The following PCDH19 variants were observed in gnomAD, a reference collection of about 807,000 sequenced individuals.
PCDH19 encodes protocadherin-19.
In PCDH19, 6 loss-of-function variants were observed where a neutral mutation model predicts 46.2. The ratio of observed to expected loss-of-function variants is 0.13; its 90% CI spans 0.07 to 0.26. PCDH19 has a LOEUF of 0.26. PCDH19 is among the 10% of genes least tolerant of loss of function. The pLI, the probability that PCDH19 is intolerant of heterozygous loss-of-function variation, is 1.00. For missense variants in PCDH19, 740 were observed against 972.3 expected, an observed-to-expected ratio of 0.76 and a Z score of 3.18; for synonymous variants, 481 against 415.7, an observed-to-expected ratio of 1.16 and a Z score of -1.91.
chrX:100,406,720 G>T lies in PCDH19; in HGVS notation c.1878C>A (p.Thr626=). The T allele has an allele frequency of 8.3e-7, 1 of 1,211,882 alleles. No individual in the cohort carries two copies. Among genetic ancestry groups the T allele is most frequent in the African/African-American group, 1.7e-5 (1 of 57,803 alleles). The stretch of plus-strand genomic sequence containing the variant: ...TGGAGCTCTCCCCGAAGGTGCGGGT[G>T]GTTCTGACTTCGCCATTGACCTGGT... ...EIDQVNGEVR[T]TRTFGESSKS... is the part of the protein sequence containing the mutation. Residue 626 remains threonine, a synonymous_variant, in exon 1 of 6, where the codon ACC becomes ACA. Coordinates refer to ENST00000373034, the MANE Select transcript of PCDH19 (RefSeq NM_001184880.2).
chrX:100,329,605 T>A (rs1925809533), intron 5 of PCDH19, among the ~76,000 whole-genome samples: 1 of 112,038 alleles, frequency 8.9e-6, no homozygotes, highest in Admixed American at 9.5e-5. Flanking sequence ...CAATGACTAC[T>A]TGAATTAAAA....
At chrX:100,332,514 C>CAA (rs749901973) in intron 5 of PCDH19, among the ~76,000 whole-genome samples, 129 of 48,885 alleles carry the variant, frequency 2.6e-3, no homozygotes, top group African/African-American at 8.7e-3. Flanking sequence ...AACCCCGTCT[C>CAA]AAAAAAAAAA....
intron 3 of PCDH19, among the ~76,000 whole-genome samples, chrX:100,362,251 C>T (rs1480408398): frequency 9.0e-6 from 1 of 110,918 alleles, no homozygotes; most frequent in Non-Finnish European, 1.9e-5. Context: ...ACCTTTCTCT[C>T]GAAGGAAGCT....
chrX:100,347,213 G>C (rs1401702594), intron 4 of PCDH19, among the ~76,000 whole-genome samples: 1 of 111,493 alleles, frequency 9.0e-6, no homozygotes, highest in African/African-American at 3.3e-5. Flanking sequence ...CTTGCCCTCT[G>C]GCTTTCTGTT....
chrX:100,338,157 A>G (rs1232111455), intron 5 of PCDH19, among the ~76,000 whole-genome samples: 1 of 109,256 alleles, frequency 9.2e-6, no homozygotes, highest in Admixed American at 9.7e-5. Flanking sequence ...CCTGCCCAAC[A>G]TGGTGAAACC....
chrX:100,295,926 G>T lies in PCDH19; in HGVS notation c.*351C>A. 3 of 176,528 alleles carry T rather than the reference G, an allele frequency of 1.7e-5. No homozygotes were observed. The highest frequency in any genetic ancestry group is 1.2e-4 in the East Asian group (1 of 8,203). 14.5% of individuals were successfully genotyped at this position (176,528 alleles called of 1,213,427 possible). The stretch of plus-strand genomic sequence containing the variant: ...TTTTTCACTTTTTGCTTTTTTAAAT[G>T]TAATCCTCCACAAACAATGGTAATT... On this transcript the variant is annotated 3_prime_UTR_variant, in exon 6 of 6. Transcript: ENST00000373034.
intron 3 of PCDH19, among the ~76,000 whole-genome samples, chrX:100,351,921 T>C (rs1350559776): frequency 8.9e-6 from 1 of 112,027 alleles, no homozygotes; most frequent in African/African-American, 3.2e-5. Flanking sequence ...GCAGTCAGAA[T>C]ACAGACCCCA....
chrX:100,364,770 A>G (rs1387194753), intron 3 of PCDH19, among the ~76,000 whole-genome samples: 1 of 112,287 alleles, frequency 8.9e-6, no homozygotes, highest in Non-Finnish European at 1.9e-5. Context: ...AACAGCTGAT[A>G]GGAACCTCTC....
At chrX:100,377,472 A>G (rs1927423230) in intron 3 of PCDH19, among the ~76,000 whole-genome samples, 1 of 112,123 alleles carries the variant, frequency 8.9e-6, no homozygotes. Context: ...AGTAGATTGT[A>G]AACTCTTTGA....
intron 5 of PCDH19, among the ~76,000 whole-genome samples, chrX:100,300,149 G>A (rs143311001): frequency 8.9e-6 from 1 of 112,281 alleles, no homozygotes; most frequent in East Asian, 2.8e-4. Context: ...TAAATATACT[G>A]CAGATGAATT....
intron 3 of PCDH19, among the ~76,000 whole-genome samples, chrX:100,369,794 A>C (rs1927167304): frequency 8.9e-6 from 1 of 111,923 alleles, no homozygotes; most frequent in Admixed American, 9.5e-5. Context: ...TTTCACATAA[A>C]ATAAGGCATC....
At chrX:100,361,367 A>G (rs1036631497) in intron 3 of PCDH19, among the ~76,000 whole-genome samples, 1 of 111,910 alleles carries the variant, frequency 8.9e-6, no homozygotes. Flanking sequence ...AAAACCACAT[A>G]AAGAAGAAGA....
chrX:100,375,494 T>C (rs773592814), intron 3 of PCDH19, among the ~76,000 whole-genome samples: 34 of 112,726 alleles, frequency 3.0e-4, no homozygotes, highest in African/African-American at 9.3e-4. Flanking sequence ...CAGTCTATCA[T>C]TGATGGACAT....
chrX:100,382,155 T>C (rs1927572107), intron 3 of PCDH19, among the ~76,000 whole-genome samples: 1 of 110,716 alleles, frequency 9.0e-6, no homozygotes. Flanking sequence ...AGTGAGACTC[T>C]GTTTGGCAGA....
In PCDH19 at chrX:100,406,949, C is replaced by A. The variant is rs749194972; in HGVS notation, c.1649G>T (p.Arg550Leu). 1 of 1,209,959 alleles carries A rather than the reference C, an allele frequency of 8.3e-7. No individual in the cohort carries two copies. The highest frequency in any genetic ancestry group is 1.1e-6 in the Non-Finnish European group (1 of 895,196). ...GTCGTTGACGTCGAGGATGATGACC[C>A]GCACCGTAGCGTTGCTTTGCAGTGA... is the stretch of plus-strand genomic sequence containing the variant. ...LPSLQSNATV[R>L]VIILDVNDNT... The change falls in exon 1 of 6, where the codon CGG becomes CTG. Residue 550 changes from arginine (R) to leucine (L), a missense_variant. Physicochemically the swap from Arg to Leu is moderately radical, Grantham distance 102 (BLOSUM62 -2). Coordinates refer to ENST00000373034, the MANE Select transcript of PCDH19 (RefSeq NM_001184880.2).
At chrX:100,396,856 A>G (rs757340847) in intron 3 of PCDH19, among the ~76,000 whole-genome samples, 2 of 111,900 alleles carry the variant, frequency 1.8e-5, no homozygotes, top group Non-Finnish European at 3.8e-5. Context: ...TTTTTGAAGA[A>G]AACTGAAATG....
Position 100,406,844 on chromosome X carries a change from T to C in PCDH19, c.1754A>G (p.Tyr585Cys), listed in dbSNP as rs975441806. 1.7e-6 allele frequency: 2 copies of C among 1,210,149 alleles called. No individual in the cohort carries two copies. The highest frequency in any genetic ancestry group is 3.5e-5 in the African/African-American group (2 of 57,201). Residue 585 changes from tyrosine (Y) to cysteine (C), a missense_variant, in exon 1 of 6, where the codon TAC becomes TGC. Transcript: ENST00000373034. ...TTCTGCCTTGACAACAGTCACCAGG[T>C]AGCCTATGCCAGAGTTGCGGGGTAT... ...VYIPRNSGIG[Y>C]LVTVVKAEDY...
chrX:100,359,803 GTGTGTGTA>G (rs1257083459), intron 3 of PCDH19, among the ~76,000 whole-genome samples: 9 of 92,974 alleles, frequency 9.7e-5, no homozygotes, highest in East Asian at 5.6e-4. Context: ...GTGTGTGTGT[GTGTGTGTA>G]TGTGTGTGTG....
intron 5 of PCDH19, among the ~76,000 whole-genome samples, chrX:100,339,393 T>C (rs1352350585): frequency 8.9e-6 from 1 of 112,007 alleles, no homozygotes; most frequent in Admixed American, 9.5e-5. Flanking sequence ...TGGTAATCCT[T>C]TGAAGCAACA....
Sources: allele counts gnomAD v4.1 joint callset (sites outside exome capture counted in the v4.1 genomes callset), GRCh38; gene constraint gnomAD v4.1.1; transcripts MANE v1.5; gene names NCBI Gene and HGNC (gene_info 2026-07-23, HGNC 2026-07-21).